The following PIWIL1 variants were observed in gnomAD, a reference collection of about 807,000 sequenced individuals.
PIWIL1 encodes the protein piwi like RNA-mediated gene silencing 1.
In PIWIL1, 73 loss-of-function variants were observed where a neutral mutation model predicts 114.4. The ratio of observed to expected loss-of-function variants is 0.64; its 90% CI spans 0.53 to 0.78. The LOEUF (loss-of-function observed/expected upper bound fraction) is 0.78, where lower values mean the gene tolerates loss of function less well. PIWIL1 is among the 30% of genes least tolerant of loss of function. The probability of loss-of-function intolerance (pLI) is 0.00; values close to 1 mark genes in which losing one functional copy is unlikely to be tolerated. For missense variants in PIWIL1, 723 were observed against 1,063.1 expected (o/e 0.68, Z 4.45); for synonymous variants, 375 against 369.0 (o/e 1.02, Z -0.19).
Position 130,371,501 on chromosome 12 carries a change from C to G in PIWIL1, c.2489C>G (p.Ala830Gly). 1 of 1,614,154 alleles carries G rather than the reference C, an allele frequency of 6.2e-7. No homozygotes were observed. Among genetic ancestry groups the G allele is most frequent in the Non-Finnish European group, 8.5e-7 (1 of 1,180,006 alleles). Residue 830 changes from alanine (A) to glycine (G), a missense_variant, in exon 21 of 21, where the codon GCT (alanine) becomes GGT (glycine). Transcript: ENST00000245255. ...CTAAAGGGTGTCATTCGTGTTCCTG[C>G]TCCTTGCCAGTACGCCCACAAGCTG... is the stretch of plus-strand genomic sequence containing the variant. ...YNWPGVIRVP[A>G]PCQYAHKLAF...
At chr12:130,354,448 AT>A (rs1199341104) in intron 9 of PIWIL1, 88 bp from the exon 10 acceptor site, 6 of 1,545,642 alleles carry the variant, frequency 3.9e-6, no homozygotes, top group East Asian at 4.5e-5. Context: ...TCAGCTCTTT[AT>A]TTTTTTAAAA....
the PIWIL1 span, chr12:130,422,615 G>T: frequency 3.9e-6 from 5 of 1,273,936 alleles, no homozygotes; most frequent in Non-Finnish European, 5.6e-6. The surrounding 1 kb of genome is among the most constrained non-coding windows in gnomAD (Gnocchi z 5.2). Flanking sequence ...GGGAACTGAA[G>T]AATTCAGTTA....
At chr12:130,357,692 C>T (rs1235483564) in intron 14 of PIWIL1, 139 bp downstream of exon 14, 2 of 625,766 alleles carry the variant, frequency 3.2e-6, no homozygotes, top group Admixed American at 5.6e-5. Flanking sequence ...GTTTTGTAAC[C>T]ATAAAGTAGC....
rs765196469 is a variant in PIWIL1, at chr12:130,357,547, C to A, written c.1659C>A (p.Thr553=). 3.7e-6 allele frequency: 6 copies of A among 1,606,350 alleles called. No individual in the cohort carries two copies. The highest frequency in any genetic ancestry group is 4.3e-6 in the Non-Finnish European group (5 of 1,173,644). Reference sequence around the variant, plus strand: ...TACAGCAAAAGGTCACAGCAGACACCCAGATAGTAAGTAACTAATTGACAT... The same window carrying A: ...TACAGCAAAAGGTCACAGCAGACACACAGATAGTAAGTAACTAATTGACAT... The part of the protein sequence containing the change: ...RVLQQKVTAD[T]QIVVCLLSSN... Residue 553 remains threonine (T), a synonymous_variant, in exon 14 of 21, where the codon ACC becomes ACA. Transcript: ENST00000245255.
the PIWIL1 span, among the ~76,000 whole-genome samples, chr12:130,390,063 AAT>A: frequency 2.6e-5 from 4 of 152,234 alleles, no homozygotes; most frequent in African/African-American, 9.6e-5. Context: ...GTTTTTAAAA[AAT>A]AGTAACCAAG....
the PIWIL1 span, chr12:130,397,501 C>G: frequency 5.0e-6 from 2 of 398,908 alleles, no homozygotes; most frequent in African/African-American, 4.1e-5. Flanking sequence ...TGGAGATGGA[C>G]TGTGGGGGAT....
the PIWIL1 span, among the ~76,000 whole-genome samples, chr12:130,400,456 TC>T: frequency 6.6e-6 from 1 of 152,196 alleles, no homozygotes. Context: ...TTGTCTAAAG[TC>T]GAGATCCATG....
At chr12:130,379,396 A>C in the PIWIL1 span, among the ~76,000 whole-genome samples, 33 of 130,082 alleles carry the variant, frequency 2.5e-4, no homozygotes, top group Admixed American at 9.0e-4. Context: ...CCTCATCCCA[A>C]TTCCCATCCA....
chr12:130,394,585 C>T, the PIWIL1 span, among the ~76,000 whole-genome samples: 4 of 152,158 alleles, frequency 2.6e-5, no homozygotes, highest in South Asian at 2.1e-4. Context: ...GAACCCAGTT[C>T]GTCACTGCCA....
chr12:130,347,358 T>C (rs2041229452), intron 6 of PIWIL1, among the ~76,000 whole-genome samples: 1 of 152,198 alleles, frequency 6.6e-6, no homozygotes, highest in African/African-American at 2.4e-5. Context: ...CTCCCCACGG[T>C]GGGTCCTTGA....
At chr12:130,392,964 C>G in the PIWIL1 span, among the ~76,000 whole-genome samples, 1 of 135,730 alleles carries the variant, frequency 7.4e-6, no homozygotes, top group Non-Finnish European at 1.6e-5. Context: ...ATGACCCAGT[C>G]ACCGTCATCA....
intron 19 of PIWIL1, among the ~76,000 whole-genome samples, chr12:130,367,989 G>A (rs1228685349): frequency 6.6e-6 from 1 of 152,142 alleles, no homozygotes; most frequent in Non-Finnish European, 1.5e-5. Context: ...GTAGAGACGA[G>A]GTTTCACCAC....
chr12:130,419,267 C>T, the PIWIL1 span, among the ~76,000 whole-genome samples: 1 of 152,152 alleles, frequency 6.6e-6, no homozygotes, highest in Non-Finnish European at 1.5e-5. This position sits in a 1 kb window ranked among gnomAD's most constrained non-coding sequence, Gnocchi z 4.3. Context: ...GGAGTGGGCA[C>T]TGCCTCCCAT....
the PIWIL1 span, among the ~76,000 whole-genome samples, chr12:130,417,525 G>C: frequency 2.4e-4 from 37 of 152,190 alleles, no homozygotes; most frequent in South Asian, 3.5e-3. Flanking sequence ...GCTAAACATT[G>C]GGTCCACATA....
At chr12:130,425,031 A>G in the PIWIL1 span, 1 of 408,370 alleles carries the variant, frequency 2.4e-6, no homozygotes, top group Non-Finnish European at 4.2e-6. Context: ...TGCAATGAAA[A>G]CAGAATGGGT....
chr12:130,356,206 T>C (rs1039667231), intron 12 of PIWIL1, among the ~76,000 whole-genome samples: 1 of 152,150 alleles, frequency 6.6e-6, no homozygotes, highest in Non-Finnish European at 1.5e-5. Context: ...ATACCTTTTA[T>C]GTTTCATTTT....
At chr12:130,363,205 A>C (rs1259489283) in intron 18 of PIWIL1, 61 bp downstream of exon 18, 2 of 1,500,998 alleles carry the variant, frequency 1.3e-6, no homozygotes, top group African/African-American at 2.8e-5. Flanking sequence ...TATCTTTGAA[A>C]TTAGCATCAC....
the PIWIL1 span, chr12:130,412,820 G>A: frequency 6.3e-7 from 1 of 1,584,994 alleles, no homozygotes. Flanking sequence ...ATCAAGCACT[G>A]TAATTGATTG....
At chr12:130,353,000 G>A (rs2073255228) in intron 9 of PIWIL1, among the ~76,000 whole-genome samples, 1 of 152,208 alleles carries the variant, frequency 6.6e-6, no homozygotes, top group African/African-American at 2.4e-5. Context: ...GAACGGGCTA[G>A]AATTCATGGT....
Sources: gnomAD v4.1 joint callset for allele counts (sites outside exome capture counted in the v4.1 genomes callset) on GRCh38, gnomAD v4.1.1 for gene constraint, Gnocchi (gnomAD v3.1) non-coding constraint, MANE v1.5 for transcripts, NCBI Gene and HGNC (gene_info 2026-07-23, HGNC 2026-07-21) for gene names.